The following INTS4 variants were observed in gnomAD, a reference collection of about 807,000 sequenced individuals.
The protein encoded by INTS4 is MSTP093.
INTS4 carries 70 observed loss-of-function variants against 119.5 expected under a neutral mutation model. That is an observed-to-expected ratio of 0.59 (90% CI 0.48 to 0.71). The LOEUF is 0.71. Among genes scored for constraint, INTS4 ranks in the 30% least tolerant of loss-of-function variants. The probability of loss-of-function intolerance (pLI) is 0.00; values close to 1 mark genes in which losing one functional copy is unlikely to be tolerated. For synonymous variants in INTS4, 316 were observed against 419.6 expected, an observed-to-expected ratio of 0.75 and a Z score of 3.02; for missense variants, 867 against 1,173.2, an observed-to-expected ratio of 0.74 and a Z score of 3.81.
intron 9 of INTS4, among the ~76,000 whole-genome samples, chr11:77,940,627 G>T (rs2510963): frequency 0.71 from 107,942 of 151,766 alleles, 38,600 homozygotes; most frequent in African/African-American, 0.77. Context: ...GGGGTTTTTT[G>T]GTTGTTGTTT....
chr11:77,914,701 T>C (rs1283775456), intron 15 of INTS4, among the ~76,000 whole-genome samples: 1 of 152,136 alleles, frequency 6.6e-6, no homozygotes, highest in Non-Finnish European at 1.5e-5. Context: ...AGACAATACC[T>C]AAACAAATGA....
At chr11:77,892,072 T>C (rs1339618700) in intron 19 of INTS4, among the ~76,000 whole-genome samples, 1 of 152,220 alleles carries the variant, frequency 6.6e-6, no homozygotes, top group Non-Finnish European at 1.5e-5. Flanking sequence ...TCTTAAGTGT[T>C]TTACATGATC....
rs143324770 is a variant in INTS4, at chr11:77,907,783, T to C, written c.1950A>G (p.Gln650=). The C allele has an allele frequency of 5.4e-5, 87 of 1,613,606 alleles. No homozygotes were observed. Among genetic ancestry groups the C allele is most frequent in the East Asian group, 3.1e-4 (14 of 44,862 alleles). ...AATCAGCTACTCCTGCCAATTCAGATTGAAGTTCTCCAAGTCTTTGCAGAT... is the reference window on the plus strand; with the variant it reads ...AATCAGCTACTCCTGCCAATTCAGACTGAAGTTCTCCAAGTCTTTGCAGAT... The part of the protein sequence containing the change: ...IRDLQRLGEL[Q]SELAGVADFS... The change falls in exon 16 of 23, where the codon CAA becomes CAG. Residue 650 remains glutamine (Q), a synonymous_variant. Coordinates refer to ENST00000534064, the MANE Select transcript of INTS4 (RefSeq NM_033547.4).
Position 77,938,949 on chromosome 11 carries a change from T to A in INTS4, c.991-124A>T, listed in dbSNP as rs866910404. The stretch of plus-strand genomic sequence containing the variant: ...TTGAGAGTTACGTTTGTAAAAATTA[T>A]CAGTAGTTCATACAAGAGAAATGCA... On this transcript the variant is annotated intron_variant, in intron 9 of 22. Coordinates refer to ENST00000534064, the MANE Select transcript of INTS4 (RefSeq NM_033547.4). 6.5e-5 allele frequency: 43 copies of A among 657,756 alleles called. No individual in the cohort carries two copies. The Middle Eastern group carries it at 2.1e-3, about 32-fold the overall frequency. 40.7% of individuals were successfully genotyped at this position (657,756 alleles called of 1,614,324 possible).
At chr11:77,910,782 G>A (rs1276054673) in intron 15 of INTS4, among the ~76,000 whole-genome samples, 2 of 151,636 alleles carry the variant, frequency 1.3e-5, no homozygotes, top group Admixed American at 6.6e-5. Flanking sequence ...AGTTTCTTTT[G>A]AATTTTGAGA....
intron 11 of INTS4, 95 bp downstream of exon 11, chr11:77,928,247 A>T: frequency 7.8e-7 from 1 of 1,289,432 alleles, no homozygotes; most frequent in Non-Finnish European, 1.1e-6. Context: ...GTGCTCCCTG[A>T]TATAGTGTTC....
At chr11:77,938,206 G>C (rs934234540) in intron 10 of INTS4, among the ~76,000 whole-genome samples, 1 of 152,070 alleles carries the variant, frequency 6.6e-6, no homozygotes, top group Non-Finnish European at 1.5e-5. Flanking sequence ...ATAAAGGTTT[G>C]GCAGTCAGAC....
chr11:77,928,232 G>A, intron 11 of INTS4, 110 bp downstream of exon 11: 1 of 1,135,946 alleles, frequency 8.8e-7, no homozygotes, highest in Non-Finnish European at 1.3e-6. Flanking sequence ...TGAGAAAACA[G>A]AACTGTGCTC....
chr11:77,877,807 T>G (rs940734499), downstream of INTS4, among the ~76,000 whole-genome samples: 4 of 152,096 alleles, frequency 2.6e-5, no homozygotes, highest in African/African-American at 9.6e-5. Flanking sequence ...GGTCTTGAAC[T>G]CCTGGGCTCA....
chr11:77,990,966 G>A (rs1236748547), intron 2 of INTS4, 142 bp downstream of exon 2: 3 of 658,550 alleles, frequency 4.6e-6, no homozygotes, highest in South Asian at 2.1e-5. Flanking sequence ...TTTTTATCTC[G>A]GTATCCATAG....
At chr11:77,925,906 C>T (rs1039067067) in intron 11 of INTS4, among the ~76,000 whole-genome samples, 2 of 152,230 alleles carry the variant, frequency 1.3e-5, no homozygotes, top group African/African-American at 4.8e-5. Flanking sequence ...TTCTGTTTAT[C>T]ATTCAAGACT....
intron 8 of INTS4, among the ~76,000 whole-genome samples, chr11:77,952,573 T>C (rs1954222141): frequency 6.6e-6 from 1 of 152,196 alleles, no homozygotes; most frequent in African/African-American, 2.4e-5. Context: ...ACTCTATACA[T>C]AGTAGTAATT....
intron 21 of INTS4, chr11:77,884,779 G>T: frequency 2.5e-6 from 1 of 402,746 alleles, no homozygotes; most frequent in African/African-American, 2.0e-5. Context: ...CTTTAAAACA[G>T]GGTCTTACTC....
chr11:77,967,146 T>A (rs1240779349), intron 4 of INTS4, among the ~76,000 whole-genome samples: 1 of 152,208 alleles, frequency 6.6e-6, no homozygotes, highest in East Asian at 1.9e-4. Context: ...ATGTCTTCTT[T>A]GGAAAAATGA....
At chr11:77,931,720 T>C (rs199883681) in intron 10 of INTS4, among the ~76,000 whole-genome samples, 3 of 152,132 alleles carry the variant, frequency 2.0e-5, no homozygotes, top group African/African-American at 4.8e-5. Context: ...CAAAACAGCA[T>C]AGTACTGGTA....
At chr11:77,914,856 C>T (rs1565241084) in intron 15 of INTS4, 1 of 152,342 alleles carries the variant, frequency 6.6e-6, no homozygotes, top group African/African-American at 2.4e-5. Context: ...GTATATGATT[C>T]AATGTACAGT....
intron 2 of INTS4, among the ~76,000 whole-genome samples, chr11:77,984,738 TG>T (rs962002284): frequency 6.6e-6 from 1 of 151,978 alleles, no homozygotes; most frequent in Non-Finnish European, 1.5e-5. Context: ...TAGCCAGGCA[TG>T]GTGGCACATG....
chr11:77,878,517 A>AT (rs1393816270), downstream of INTS4, among the ~76,000 whole-genome samples: 1 of 152,168 alleles, frequency 6.6e-6, no homozygotes, highest in Non-Finnish European at 1.5e-5. Flanking sequence ...AAAAAAAAAA[A>AT]GTACAGCTGT....
At chr11:77,929,414 A>G (rs967175551) in intron 10 of INTS4, among the ~76,000 whole-genome samples, 16 of 152,342 alleles carry the variant, frequency 1.1e-4, no homozygotes, top group African/African-American at 3.8e-4. Context: ...CATATATGTG[A>G]TGAAGTCACA....
Sources: gnomAD v4.1 joint callset for allele counts (sites outside exome capture counted in the v4.1 genomes callset) on GRCh38, gnomAD v4.1.1 for gene constraint, MANE v1.5 for transcripts, NCBI Gene and HGNC (gene_info 2026-07-23, HGNC 2026-07-21) for gene names.